CERK: variants seen among roughly 807,000 people sequenced by gnomAD.
CERK encodes the protein acylsphingosine kinase.
CERK carries 39 observed loss-of-function variants against 63.4 expected under a neutral mutation model. The ratio of observed to expected loss-of-function variants is 0.61; its 90% CI spans 0.48 to 0.80. CERK has a LOEUF of 0.80. CERK is among the 30% of genes least tolerant of loss of function. CERK has a pLI of 0.00. For synonymous variants in CERK, 302 were observed against 280.0 expected, an observed-to-expected ratio of 1.08 and a Z score of -0.78; for missense variants, 670 against 714.1, an observed-to-expected ratio of 0.94 and a Z score of 0.70.
Position 46,734,832 on chromosome 22 carries a change from G to A in CERK, c.142+3175C>T, listed in dbSNP as rs564342790. Among the ~76,000 whole-genome samples the A allele has an allele frequency of 4.6e-5, 7 of 152,212 alleles. No individual in the cohort carries two copies. The South Asian group carries it at 6.2e-4, about 14-fold the overall frequency. ...TGTGTATGCTTTTCTGTGTTTTCTC[G>A]ATATTATTAAATCAACATGACTTAC... On this transcript the variant is annotated intron_variant, in intron 1 of 12. Coordinates refer to ENST00000216264, the MANE Select transcript of CERK (RefSeq NM_022766.6).
chr22:46,729,042 C>T (rs2082933446), intron 1 of CERK, among the ~76,000 whole-genome samples: 2 of 152,204 alleles, frequency 1.3e-5, no homozygotes, highest in Admixed American at 1.3e-4. Flanking sequence ...CCATCTGTAC[C>T]CAGCCAGGCT....
At chr22:46,703,072 A>G (rs743035) in intron 6 of CERK, among the ~76,000 whole-genome samples, 66,392 of 151,900 alleles carry the variant, frequency 0.44, 14,767 homozygotes, top group African/African-American at 0.51. Context: ...TTAGCAGGCA[A>G]TGCTGGCTGA....
chr22:46,687,619 C>T (rs1249744129), intron 12 of CERK, among the ~76,000 whole-genome samples: 2 of 151,532 alleles, frequency 1.3e-5, no homozygotes, highest in South Asian at 4.1e-4. Flanking sequence ...CAGTACTGAG[C>T]GCGCAAGGCC....
chr22:46,698,495 G>A (rs1388793965), intron 8 of CERK, among the ~76,000 whole-genome samples: 1 of 152,234 alleles, frequency 6.6e-6, no homozygotes, highest in African/African-American at 2.4e-5. Flanking sequence ...AAGGATACCT[G>A]TGCCTGAAGT....
intron 3 of CERK, among the ~76,000 whole-genome samples, chr22:46,716,782 A>G (rs968777321): frequency 6.6e-6 from 1 of 151,852 alleles, no homozygotes; most frequent in Non-Finnish European, 1.5e-5. Context: ...CTACTAAAAA[A>G]TACAAAAAAA....
rs560311249 is a variant in CERK at position 46,685,683 on chromosome 22, T to C, written c.*1451A>G. On this transcript the variant is annotated 3_prime_UTR_variant, in exon 13 of 13. Transcript: ENST00000216264. ...TGCACAGTGCTCTCTGATAATGTGG[T>C]CCATAAAAACCACCATTAAAGCTGC... 2 of 152,288 alleles carry C rather than the reference T, an allele frequency of 1.3e-5. No individual in the cohort carries two copies. The highest frequency in any genetic ancestry group is 3.9e-4 in the East Asian group (2 of 5,192). 9.4% of individuals were successfully genotyped at this position (152,288 alleles called of 1,614,324 possible). A position where few individuals can be genotyped will look rare whatever the true frequency, so the allele number is the denominator to read the frequency against.
At chr22:46,689,911 C>G (rs945617079) in intron 12 of CERK, 81 bp downstream of exon 12, 6 of 1,062,220 alleles carry the variant, frequency 5.6e-6, no homozygotes, top group Admixed American at 3.0e-5. Flanking sequence ...GGGAACCCCC[C>G]ACCCTGGGTG....
intron 6 of CERK, among the ~76,000 whole-genome samples, chr22:46,707,414 G>GC (rs1336385729): frequency 5.9e-5 from 9 of 152,176 alleles, no homozygotes; most frequent in Admixed American, 2.6e-4. Context: ...CCTTGGTTCC[G>GC]CCCCCACCTT....
chr22:46,695,997 C>A (rs1474511036), intron 8 of CERK, among the ~76,000 whole-genome samples: 1 of 152,192 alleles, frequency 6.6e-6, no homozygotes, highest in African/African-American at 2.4e-5. Flanking sequence ...CTTCACTCCT[C>A]CGTGTCTGAT....
chr22:46,692,165 G>T (rs135671), intron 10 of CERK, among the ~76,000 whole-genome samples: 2 of 152,124 alleles, frequency 1.3e-5, no homozygotes, highest in Non-Finnish European at 2.9e-5. Context: ...GGTGGCTCAC[G>T]CCTGTAATCC....
intron 1 of CERK, among the ~76,000 whole-genome samples, chr22:46,732,606 G>C (rs892553059): frequency 9.3e-5 from 13 of 140,424 alleles, no homozygotes; most frequent in Non-Finnish European, 1.7e-4. Context: ...TTTTTTTACA[G>C]TTTGAAAACA....
chr22:46,722,530 C>T (rs1043706944), intron 1 of CERK, among the ~76,000 whole-genome samples: 5 of 149,144 alleles, frequency 3.4e-5, no homozygotes, highest in African/African-American at 4.9e-5. Context: ...CCCCACCCTC[C>T]GGTGTGCCCC....
intron 7 of CERK, among the ~76,000 whole-genome samples, chr22:46,699,687 G>T (rs1000353102): frequency 3.9e-5 from 6 of 152,222 alleles, no homozygotes; most frequent in African/African-American, 1.4e-4. Context: ...CAGGCTCGGG[G>T]AGCTATCCTG....
chr22:46,687,768 C>A (rs1227215932), intron 12 of CERK, among the ~76,000 whole-genome samples: 1 of 152,330 alleles, frequency 6.6e-6, no homozygotes, highest in East Asian at 1.9e-4. Flanking sequence ...AGGTCCCCTG[C>A]CCAGGGGCTC....
intron 3 of CERK, among the ~76,000 whole-genome samples, chr22:46,718,900 C>A (rs1439065928): frequency 6.6e-6 from 1 of 151,894 alleles, no homozygotes; most frequent in African/African-American, 2.4e-5. Flanking sequence ...ATGGCAAAAC[C>A]CTGTCTGTAC....
At chr22:46,694,560 C>T (rs1268538571) in intron 9 of CERK, among the ~76,000 whole-genome samples, 1 of 152,170 alleles carries the variant, frequency 6.6e-6, no homozygotes, top group Non-Finnish European at 1.5e-5. Context: ...ATCCCCTCTC[C>T]CTGGGCAGCT....
intron 10 of CERK, among the ~76,000 whole-genome samples, chr22:46,692,720 C>G (rs2146543993): frequency 6.6e-6 from 1 of 151,912 alleles, no homozygotes; most frequent in East Asian, 1.9e-4. Context: ...GCCTGGCCAA[C>G]ATGGTGAAAC....
intron 5 of CERK, among the ~76,000 whole-genome samples, chr22:46,710,880 C>T (rs1445113995): frequency 2.0e-5 from 3 of 152,218 alleles, no homozygotes; most frequent in Non-Finnish European, 2.9e-5. Context: ...CAACCATTCT[C>T]GCCCAGCCCA....
intron 6 of CERK, among the ~76,000 whole-genome samples, chr22:46,702,736 A>T (rs1042254849): frequency 3.9e-5 from 6 of 152,266 alleles, no homozygotes; most frequent in African/African-American, 1.4e-4. Context: ...CGGCTTATGC[A>T]TCTTTTTATC....
Sources: allele counts gnomAD v4.1 joint callset (sites outside exome capture counted in the v4.1 genomes callset), GRCh38; gene constraint gnomAD v4.1.1; transcripts MANE v1.5; gene names NCBI Gene and HGNC (gene_info 2026-07-23, HGNC 2026-07-21).